The following MAML3 variants were observed in gnomAD, a reference collection of about 807,000 sequenced individuals.
MAML3 encodes the protein mastermind like transcriptional coactivator 3.
Under a neutral mutation model 101.9 loss-of-function variants are expected in MAML3, and 27 were observed. That is an observed-to-expected ratio of 0.27 (90% CI 0.20 to 0.37). MAML3 has a LOEUF of 0.37. MAML3 is among the 10% of genes least tolerant of loss of function. MAML3 has a pLI of 1.00. For synonymous variants in MAML3, 501 were observed against 555.9 expected (o/e 0.90, Z 1.39); for missense variants, 1,316 against 1,444.9 (o/e 0.91, Z 1.45).
chr4:139,759,247 C>T (rs1729709135), intron 2 of MAML3, among the ~76,000 whole-genome samples: 1 of 152,224 alleles, frequency 6.6e-6, no homozygotes, highest in South Asian at 2.1e-4. Flanking sequence ...GAAGAGCAGT[C>T]TGGTTACTCC....
At chr4:140,120,119 C>T (rs1049024370) in intron 1 of MAML3, among the ~76,000 whole-genome samples, 1 of 151,610 alleles carries the variant, frequency 6.6e-6, no homozygotes, top group African/African-American at 2.4e-5. Flanking sequence ...CGCCTGTAGT[C>T]CCAGCTACTC....
rs532947638 is a variant in MAML3 at position 140,104,156 on chromosome 4, G to A, written c.468+48704C>T. 2.4e-3 allele frequency among the ~76,000 whole-genome samples: 357 copies of A among 150,262 alleles called. 1 individual carries two copies. The Middle Eastern group carries it at 0.024, about 10-fold the overall frequency. ...ATCCAGCACTTTGGGAGGCCAAGGT[G>A]GGAGGATCACTTGAGCCCAGGAGTT... On this transcript the variant is annotated intron_variant, in intron 1 of 4. Transcript: ENST00000509479.
chr4:139,902,275 GCA>G (rs958233001), intron 1 of MAML3, among the ~76,000 whole-genome samples: 1 of 35,964 alleles, frequency 2.8e-5, no homozygotes, highest in African/African-American at 5.9e-5. Flanking sequence ...ACACACACAC[GCA>G]CACACACACA....
intron 2 of MAML3, among the ~76,000 whole-genome samples, chr4:139,775,642 G>A (rs189925807): frequency 6.6e-6 from 1 of 152,178 alleles, no homozygotes; most frequent in Admixed American, 6.5e-5. Flanking sequence ...GGAGTGGTTC[G>A]GGGGGCAGAA....
intron 1 of MAML3, among the ~76,000 whole-genome samples, chr4:140,000,844 A>G (rs1173576718): frequency 6.6e-6 from 1 of 152,132 alleles, no homozygotes; most frequent in Non-Finnish European, 1.5e-5. Flanking sequence ...CCTGACCCAC[A>G]TGGAGAAACC....
chr4:139,726,867 A>G (rs1728493128), intron 3 of MAML3, among the ~76,000 whole-genome samples: 1 of 152,184 alleles, frequency 6.6e-6, no homozygotes, highest in Non-Finnish European at 1.5e-5. Context: ...AGGGAAAGAA[A>G]ATAAGAGTGA....
intron 2 of MAML3, among the ~76,000 whole-genome samples, chr4:139,862,970 T>G (rs1164418021): frequency 2.0e-5 from 3 of 151,974 alleles, no homozygotes; most frequent in Admixed American, 2.0e-4. Flanking sequence ...GCCAACATGG[T>G]GAAACCCTGT....
intron 2 of MAML3, among the ~76,000 whole-genome samples, chr4:139,791,469 C>T (rs1030234295): frequency 4.2e-5 from 6 of 141,746 alleles, no homozygotes; most frequent in East Asian, 2.1e-4. Flanking sequence ...CGCCACTGCA[C>T]TCCAGCCCAG....
chr4:140,137,398 T>C (rs958742004), intron 1 of MAML3, among the ~76,000 whole-genome samples: 5 of 152,240 alleles, frequency 3.3e-5, no homozygotes, highest in Admixed American at 2.0e-4. Context: ...GGTTTTAACA[T>C]TGAAAATTTT....
At chr4:140,131,048 C>CA (rs1452891542) in intron 1 of MAML3, among the ~76,000 whole-genome samples, 1 of 152,046 alleles carries the variant, frequency 6.6e-6, no homozygotes, top group Non-Finnish European at 1.5e-5. Context: ...TACTTCCAAG[C>CA]AGGGGGCATG....
intron 2 of MAML3, among the ~76,000 whole-genome samples, chr4:139,857,712 T>A (rs1731687202): frequency 2.0e-5 from 3 of 152,190 alleles, no homozygotes; most frequent in Non-Finnish European, 4.4e-5. Flanking sequence ...TTCTGAAATA[T>A]CCACCTTTGG....
At chr4:139,787,562 T>C (rs1323821847) in intron 2 of MAML3, among the ~76,000 whole-genome samples, 3 of 152,236 alleles carry the variant, frequency 2.0e-5, no homozygotes, top group African/African-American at 7.2e-5. Flanking sequence ...ATATCTCCTG[T>C]GATAACCCAA....
At chr4:140,085,268 C>T (rs1727933289) in intron 1 of MAML3, among the ~76,000 whole-genome samples, 1 of 152,184 alleles carries the variant, frequency 6.6e-6, no homozygotes, top group Non-Finnish European at 1.5e-5. Flanking sequence ...TAAACATTTG[C>T]GACCAGTTAC....
rs57104878 is a variant in MAML3 at position 139,875,916 on chromosome 4, CAAAAAAAAAAA to C, written c.2079+13430_2079+13440del. On this transcript the variant is annotated intron_variant, in intron 2 of 4. Coordinates refer to ENST00000509479, the MANE Select transcript of MAML3 (RefSeq NM_018717.5). ...TAAAGAGTAAGAGACTCACAAACAG[CAAAAAAAAAAA>C]AAAAAAAAAAAAAAAAATCACCTCT... is the stretch of plus-strand genomic sequence containing the variant. Among the ~76,000 whole-genome samples, 2 of 81,564 alleles carry C rather than the reference CAAAAAAAAAAA, an allele frequency of 2.5e-5. 1 individual carries two copies. Among genetic ancestry groups the C allele is most frequent in the Non-Finnish European group, 4.7e-5 (2 of 42,508 alleles). 53.5% of individuals were successfully genotyped at this position (81,564 alleles called of 152,430 possible). A position where few individuals can be genotyped will look rare whatever the true frequency, so the allele number is the denominator to read the frequency against.
At chr4:139,869,855 T>C (rs1731968595) in intron 2 of MAML3, among the ~76,000 whole-genome samples, 2 of 152,226 alleles carry the variant, frequency 1.3e-5, no homozygotes, top group African/African-American at 4.8e-5. Context: ...GAGATCAGAA[T>C]GTTGGCTGTG....
chr4:140,147,471 C>T (rs989607010), intron 1 of MAML3, among the ~76,000 whole-genome samples: 4 of 152,198 alleles, frequency 2.6e-5, no homozygotes, highest in East Asian at 1.9e-4. Flanking sequence ...TCTTTGATAA[C>T]GGTGTTAAAG....
intron 1 of MAML3, among the ~76,000 whole-genome samples, chr4:140,061,872 A>T (rs1578664726): frequency 6.6e-6 from 1 of 152,206 alleles, no homozygotes; most frequent in Non-Finnish European, 1.5e-5. Context: ...TTACTGAAAC[A>T]AACTCAACTA....
chr4:140,137,277 C>T (rs972135860), intron 1 of MAML3, among the ~76,000 whole-genome samples: 2 of 152,348 alleles, frequency 1.3e-5, no homozygotes, highest in Non-Finnish European at 2.9e-5. Context: ...CGTGAGCCAC[C>T]GCGCCCGGCC....
Position 139,730,651 on chromosome 4 carries a change from C to G in MAML3, c.2096G>C (p.Gly699Ala). ...CATGGGGCCTGTGGTTCGGGGAAGT[C>G]CAACTGGATGCTGCTCCTGGGAAGA... ...PSHGQEQHPVGLPRTTGPMQS... is the reference protein window; with the variant it reads ...PSHGQEQHPVALPRTTGPMQS... Residue 699 changes from glycine (G) to alanine (A), a missense_variant, in exon 3 of 5, where the codon GGA becomes GCA. Gly to Ala is a moderately conservative substitution (Grantham distance 60). Transcript: ENST00000509479. The G allele has an allele frequency of 6.2e-7, 1 of 1,612,424 alleles. No individual in the cohort carries two copies. The highest frequency in any genetic ancestry group is 1.1e-5 in the South Asian group (1 of 90,634).
Sources: allele counts gnomAD v4.1 joint callset (sites outside exome capture counted in the v4.1 genomes callset), GRCh38; gene constraint gnomAD v4.1.1; transcripts MANE v1.5; gene names NCBI Gene and HGNC (gene_info 2026-07-23, HGNC 2026-07-21).